ZFP64: variants seen among roughly 807,000 people sequenced by gnomAD.
ZFP64 encodes the protein ZFP64 zinc finger protein, also known as zinc finger protein 64.
In ZFP64, 14 loss-of-function variants were observed where a neutral mutation model predicts 51.6. That is an observed-to-expected ratio of 0.27 (90% CI 0.18 to 0.42). ZFP64 has a LOEUF of 0.42. Among genes scored for constraint, ZFP64 ranks in the 10% least tolerant of loss-of-function variants. The pLI, the probability that ZFP64 is intolerant of heterozygous loss-of-function variation, is 1.00. For synonymous variants in ZFP64, 375 were observed against 361.4 expected, an observed-to-expected ratio of 1.04 and a Z score of -0.43; for missense variants, 754 against 906.8, an observed-to-expected ratio of 0.83 and a Z score of 2.16.
At chr20:52,136,803 G>C (rs1260606692) in intron 5 of ZFP64, among the ~76,000 whole-genome samples, 1 of 152,076 alleles carries the variant, frequency 6.6e-6, no homozygotes. Context: ...GTCTCACTCT[G>C]TCTCCCAGGC....
At chr20:52,166,110 G>A (rs976711279) in intron 2 of ZFP64, 85 bp from the exon 3 acceptor site, 6 of 1,382,348 alleles carry the variant, frequency 4.3e-6, no homozygotes, top group Middle Eastern at 2.1e-4. Flanking sequence ...TAGAGAGAAT[G>A]CATGTACTAG....
chr20:52,110,363 G>C, intron 5 of ZFP64: 2 of 525,060 alleles, frequency 3.8e-6, no homozygotes, highest in Non-Finnish European at 3.4e-6. Context: ...CTCGTTCTCA[G>C]CCCCCTTCTT....
At chr20:52,099,114 G>A (rs756388910) in intron 5 of ZFP64, among the ~76,000 whole-genome samples, 2 of 151,876 alleles carry the variant, frequency 1.3e-5, no homozygotes, top group Non-Finnish European at 2.9e-5. Flanking sequence ...CACATAACAG[G>A]GAAACTGGCA....
At chr20:52,104,566 C>T (rs2079089617) in intron 5 of ZFP64, 1 of 386,382 alleles carries the variant, frequency 2.6e-6, no homozygotes, top group Non-Finnish European at 5.2e-6. Context: ...CTCGGGCCTC[C>T]GGTGACCTCT....
At chr20:52,127,067 T>G (rs980422747) in intron 5 of ZFP64, among the ~76,000 whole-genome samples, 1 of 152,052 alleles carries the variant, frequency 6.6e-6, no homozygotes, top group South Asian at 2.1e-4. Flanking sequence ...TTCTCCTGCC[T>G]CAGCCTTCTG....
chr20:52,096,917 A>G (rs1568944049), intron 7 of ZFP64: 1 of 377,684 alleles, frequency 2.6e-6, no homozygotes, highest in South Asian at 2.1e-5. Flanking sequence ...AAAAGATAGT[A>G]TTTTAGGCTT....
chr20:52,185,314 G>A (rs1983882134), intron 2 of ZFP64, among the ~76,000 whole-genome samples: 5 of 152,204 alleles, frequency 3.3e-5, no homozygotes, highest in Admixed American at 2.6e-4. Context: ...ATGAGCCACC[G>A]TGCCTGGCCT....
At position 52,153,489 on chromosome 20, in the gene ZFP64, C is replaced by T. The variant is rs370075472; in HGVS notation, c.764-61G>A. The T allele has an allele frequency of 3.9e-6, 6 of 1,544,758 alleles. No homozygotes were observed. The African/African-American group carries it at 6.8e-5, about 18-fold the overall frequency. On this transcript the variant is annotated intron_variant, in intron 5 of 5. Transcript: ENST00000216923. This position sits in a 1 kb window ranked among gnomAD's most constrained non-coding sequence, Gnocchi z 5.1. ...AGGCAACAACCACAGCGGATCCCCCCGAAGCACACACCAGAAAATCGCTTA... is the reference window on the plus strand; with the variant it reads ...AGGCAACAACCACAGCGGATCCCCCTGAAGCACACACCAGAAAATCGCTTA...
At chr20:52,100,210 C>T (rs551589287) in intron 5 of ZFP64, among the ~76,000 whole-genome samples, 77 of 151,974 alleles carry the variant, frequency 5.1e-4, no homozygotes, top group African/African-American at 2.4e-5. Context: ...AGGATGGTCT[C>T]GATCTCCTGA....
chr20:52,144,968 G>A (rs1229660037), intron 5 of ZFP64, among the ~76,000 whole-genome samples: 1 of 152,128 alleles, frequency 6.6e-6, no homozygotes, highest in Non-Finnish European at 1.5e-5. Context: ...AAATAATTGG[G>A]AAATTTGTTA....
chr20:52,165,804 C>G, intron 3 of ZFP64, 60 bp downstream of exon 3: 2 of 1,606,670 alleles, frequency 1.2e-6, no homozygotes, highest in Non-Finnish European at 8.5e-7. Context: ...TGAGGAGGAG[C>G]CCTGGAGCCT....
At chr20:52,142,642 C>A (rs190334742) in intron 5 of ZFP64, among the ~76,000 whole-genome samples, 308 of 151,264 alleles carry the variant, frequency 2.0e-3, no homozygotes, top group African/African-American at 7.1e-3. Context: ...GAGTTTGAGA[C>A]CAGCCTGACC....
intron 5 of ZFP64, among the ~76,000 whole-genome samples, chr20:52,125,118 A>T (rs1979387428): frequency 6.6e-6 from 1 of 152,190 alleles, no homozygotes; most frequent in African/African-American, 2.4e-5. Context: ...AATGAATTCT[A>T]CTTTGGTATG....
At position 52,191,227 on chromosome 20, in the gene ZFP64, C is replaced by T. The variant is rs1984342099; in HGVS notation, c.46+364G>A. Reference sequence around the variant, plus strand: ...CAGAAGTTTTCCCATCAGTGTTGCCCCGTTTACCCTAGATTCCTCCCTTTC... The same window carrying T: ...CAGAAGTTTTCCCATCAGTGTTGCCTCGTTTACCCTAGATTCCTCCCTTTC... On this transcript the variant is annotated intron_variant, in intron 1 of 5. Coordinates refer to ENST00000216923, the MANE Select transcript of ZFP64 (RefSeq NM_018197.3). This position sits in a 1 kb window ranked among gnomAD's most constrained non-coding sequence, Gnocchi z 4.3. Among the ~76,000 whole-genome samples the T allele has an allele frequency of 3.3e-5, 5 of 152,180 alleles. No individual in the cohort carries two copies. Among genetic ancestry groups the T allele is most frequent in the Admixed American group, 3.3e-4 (5 of 15,286 alleles).
rs375054546 is a variant in ZFP64, at chr20:52,103,863, G to A, written c.764-5276C>T. Among the ~76,000 whole-genome samples, 82 of 152,324 alleles carry A rather than the reference G, an allele frequency of 5.4e-4. No homozygotes were observed. In the South Asian group the frequency reaches 0.013, roughly 25 times the overall value. On this transcript the variant is annotated intron_variant, in intron 5 of 8. Transcript: ENST00000361387. ...GAGCAAGCTTTATTTTAACATATAAGCTATTCGTTTAGTGGAGGCTTCATT... is the reference window on the plus strand; with the variant it reads ...GAGCAAGCTTTATTTTAACATATAAACTATTCGTTTAGTGGAGGCTTCATT...
At chr20:52,114,073 T>C (rs539832646) in intron 5 of ZFP64, among the ~76,000 whole-genome samples, 3 of 152,306 alleles carry the variant, frequency 2.0e-5, no homozygotes, top group African/African-American at 7.2e-5. Context: ...AACTTTGGTA[T>C]GTTTGAAGCA....
chr20:52,183,444 G>A (rs902234324), intron 2 of ZFP64, among the ~76,000 whole-genome samples: 5 of 152,094 alleles, frequency 3.3e-5, no homozygotes, highest in African/African-American at 1.2e-4. Flanking sequence ...CTGTCCTCAT[G>A]AAGAAGACCA....
intron 5 of ZFP64, among the ~76,000 whole-genome samples, chr20:52,102,383 G>C (rs1387285092): frequency 1.3e-5 from 2 of 152,114 alleles, no homozygotes; most frequent in Non-Finnish European, 2.9e-5. Context: ...GTTCCCAGTT[G>C]ATGCCGATGC....
intron 5 of ZFP64, among the ~76,000 whole-genome samples, chr20:52,106,396 G>A (rs1370400740): frequency 1.3e-5 from 2 of 152,132 alleles, no homozygotes; most frequent in Non-Finnish European, 2.9e-5. Context: ...ATCACGTGGG[G>A]GCCCTTGTTT....
Sources: allele counts gnomAD v4.1 joint callset (sites outside exome capture counted in the v4.1 genomes callset), GRCh38; gene constraint gnomAD v4.1.1; non-coding constraint Gnocchi (gnomAD v3.1); transcripts MANE v1.5; gene names NCBI Gene and HGNC (gene_info 2026-07-23, HGNC 2026-07-21).